METTL15: variants seen among roughly 807,000 people sequenced by gnomAD.
METTL15 encodes 12S rRNA N(4)-cytidine methyltransferase METTL15.
METTL15 carries 34 observed loss-of-function variants against 38.3 expected under a neutral mutation model. The observed-to-expected ratio is 0.89, with a 90% CI of 0.68 to 1.18. METTL15 has a LOEUF of 1.18. Among genes scored for constraint, METTL15 ranks in the 50% most tolerant of loss-of-function variants. METTL15 has a pLI of 0.00. For synonymous variants in METTL15, 162 were observed against 170.9 expected (o/e 0.95, Z 0.41); for missense variants, 438 against 498.4 (o/e 0.88, Z 1.15).
downstream of METTL15, among the ~76,000 whole-genome samples, chr11:28,335,073 A>T (rs767034311): frequency 6.6e-6 from 1 of 152,166 alleles, no homozygotes; most frequent in Admixed American, 6.5e-5. Flanking sequence ...GAAATCAAAC[A>T]AGAGGACATG....
At chr11:28,272,069 C>G (rs185037215) in intron 4 of METTL15, among the ~76,000 whole-genome samples, 1,863 of 152,234 alleles carry the variant, frequency 0.012, 49 homozygotes, top group African/African-American at 0.041. Flanking sequence ...CAGGAAATAA[C>G]ATATGCTGGA....
intron 3 of METTL15, among the ~76,000 whole-genome samples, chr11:28,205,302 T>C (rs1852283472): frequency 1.5e-5 from 2 of 135,268 alleles, no homozygotes; most frequent in South Asian, 5.0e-4. Context: ...TTCCCCTTCC[T>C]GTGTCCATGT....
rs759513996 is a variant in METTL15 at position 28,113,966 on chromosome 11, AATG to A, written c.270+363_270+365del. On this transcript the variant is annotated intron_variant, in intron 3 of 6. Transcript: ENST00000407364. ...TGATGTTCGGTAGGTTAAGTACTTA[AATG>A]CATTTTTGACACATGGTGTTTTCAA... is the stretch of plus-strand genomic sequence containing the variant. 2.4e-4 allele frequency among the ~76,000 whole-genome samples: 37 copies of A among 152,264 alleles called. No homozygotes were observed. In the East Asian group the frequency reaches 2.5e-3, roughly 10 times the overall value.
chr11:28,297,703 A>G (rs1011118464), intron 6 of METTL15, among the ~76,000 whole-genome samples: 1 of 152,120 alleles, frequency 6.6e-6, no homozygotes, highest in East Asian at 1.9e-4. Context: ...CAGAATTCCA[A>G]TGGTAAAATT....
chr11:28,435,771 C>T (rs1394253376), intron 6 of METTL15, among the ~76,000 whole-genome samples: 2 of 152,172 alleles, frequency 1.3e-5, no homozygotes, highest in Middle Eastern at 3.2e-3. Flanking sequence ...TTCTTCTAAG[C>T]CCTTTTGCAT....
chr11:28,448,187 A>G (rs1202406413), intron 6 of METTL15, among the ~76,000 whole-genome samples: 1 of 152,180 alleles, frequency 6.6e-6, no homozygotes, highest in African/African-American at 2.4e-5. Flanking sequence ...TTAACATGGT[A>G]GAGCCCCTCT....
chr11:28,507,783 G>A (rs975342416), intron 6 of METTL15, among the ~76,000 whole-genome samples: 1 of 152,064 alleles, frequency 6.6e-6, no homozygotes, highest in Non-Finnish European at 1.5e-5. Flanking sequence ...ACCACTTCTT[G>A]TCCCGCAAAC....
chr11:28,514,893 A>T (rs151078266), intron 6 of METTL15, among the ~76,000 whole-genome samples: 72 of 152,330 alleles, frequency 4.7e-4, no homozygotes, highest in African/African-American at 1.5e-3. Flanking sequence ...ATGCCCACAG[A>T]TCTCCACAGA....
chr11:28,201,881 C>T (rs192229836), intron 3 of METTL15, among the ~76,000 whole-genome samples: 7 of 152,108 alleles, frequency 4.6e-5, no homozygotes, highest in Middle Eastern at 3.4e-3. Context: ...GACATCTTGG[C>T]ATGTTTGACA....
chr11:28,194,389 G>A (rs1851831920), intron 3 of METTL15, among the ~76,000 whole-genome samples: 1 of 151,402 alleles, frequency 6.6e-6, no homozygotes, highest in African/African-American at 2.4e-5. Context: ...TAGTACAGAT[G>A]GAGTTTTACC....
intron 6 of METTL15, among the ~76,000 whole-genome samples, chr11:28,440,973 C>T (rs1016697825): frequency 6.6e-6 from 1 of 151,492 alleles, no homozygotes; most frequent in African/African-American, 2.4e-5. Context: ...ATAAAATTCA[C>T]ATTGGATTTT....
intron 3 of METTL15, among the ~76,000 whole-genome samples, chr11:28,181,807 G>A (rs1590119098): frequency 6.6e-6 from 1 of 152,018 alleles, no homozygotes; most frequent in Admixed American, 6.6e-5. Context: ...GATATTTCTA[G>A]TTCTAGATCC....
intron 4 of METTL15, among the ~76,000 whole-genome samples, chr11:28,248,431 T>G (rs1161846633): frequency 6.6e-6 from 1 of 152,074 alleles, no homozygotes; most frequent in African/African-American, 2.4e-5. Flanking sequence ...CTGAAATCCC[T>G]TGTTCATAGA....
intron 5 of METTL15, among the ~76,000 whole-genome samples, chr11:28,381,745 A>G (rs11030309): frequency 0.42 from 64,314 of 151,954 alleles, 15,012 homozygotes; most frequent in Admixed American, 0.54. Context: ...AAATTTTCTA[A>G]TAAATTTCTG....
intron 4 of METTL15, among the ~76,000 whole-genome samples, chr11:28,229,494 A>G (rs764699671): frequency 2.6e-5 from 4 of 151,910 alleles, no homozygotes; most frequent in Admixed American, 6.6e-5. Flanking sequence ...GTTGAAACCT[A>G]ATAGTATTAA....
chr11:28,374,455 C>G (rs201350303), intron 5 of METTL15, among the ~76,000 whole-genome samples: 56,166 of 140,330 alleles, frequency 0.4, 12,674 homozygotes, highest in Admixed American at 0.5. Context: ...CTCATGATTT[C>G]GCTCTCTGTT....
At chr11:28,320,518 C>G (rs1333346715) in intron 6 of METTL15, among the ~76,000 whole-genome samples, 1 of 151,990 alleles carries the variant, frequency 6.6e-6, no homozygotes, top group African/African-American at 2.4e-5. Context: ...CTATGTCATG[C>G]CATTGCACTT....
chr11:28,420,797 G>A (rs902203226), intron 5 of METTL15, among the ~76,000 whole-genome samples: 2 of 152,032 alleles, frequency 1.3e-5, no homozygotes, highest in Admixed American at 6.5e-5. Context: ...ACCCAGCAAT[G>A]CATCCTAAAG....
intron 6 of METTL15, among the ~76,000 whole-genome samples, chr11:28,425,434 C>T (rs1850855343): frequency 6.6e-6 from 1 of 152,208 alleles, no homozygotes; most frequent in Non-Finnish European, 1.5e-5. Context: ...TGATTTCTCA[C>T]ATCGTTTTAT....
Sources: gnomAD v4.1 joint callset for allele counts (sites outside exome capture counted in the v4.1 genomes callset) on GRCh38, gnomAD v4.1.1 for gene constraint, MANE v1.5 for transcripts, NCBI Gene and HGNC (gene_info 2026-07-23, HGNC 2026-07-21) for gene names.